DET1: variants seen among roughly 807,000 people sequenced by gnomAD.
DET1 encodes DET1 homolog.
Under a neutral mutation model 43.7 loss-of-function variants are expected in DET1, and 22 were observed. That is an observed-to-expected ratio of 0.50 (90% CI 0.36 to 0.72). DET1 has a LOEUF of 0.72. Ranked by LOEUF, DET1 falls within the 30% of genes least tolerant of loss-of-function variation. The pLI, the probability that DET1 is intolerant of heterozygous loss-of-function variation, is 0.00. For synonymous variants in DET1, 315 were observed against 266.2 expected, an observed-to-expected ratio of 1.18 and a Z score of -1.79; for missense variants, 713 against 713.3, an observed-to-expected ratio of 1.00 and a Z score of 0.00.
At chr15:88,507,105 C>G (rs2056149683) in intron 7 of DET1, among the ~76,000 whole-genome samples, 1 of 152,154 alleles carries the variant, frequency 6.6e-6, no homozygotes, top group African/African-American at 2.4e-5. Context: ...GAGTGCTTCC[C>G]CTCTGCTCTC....
chr15:88,545,261 G>C (rs1328678777), intron 1 of DET1, among the ~76,000 whole-genome samples: 1 of 152,026 alleles, frequency 6.6e-6, no homozygotes, highest in Non-Finnish European at 1.5e-5. Flanking sequence ...TTGGGACTAT[G>C]TTCACCATCC....
chr15:88,530,997 G>A lies in DET1; in HGVS notation c.709C>T (p.Gln237Ter). ...NILAILSVQQQTIHVFQVTPE... is the reference protein window; with the variant it reads ...NILAILSVQQ The stretch of plus-strand genomic sequence containing the variant: ...GTCACCTGGAAGACATGGATGGTCT[G>A]TTGTTGCACAGACAAGATGGCCAGG... The change falls in exon 2 of 5, where the codon CAG (glutamine) becomes TAG (stop). Residue 237 changes from glutamine to a stop codon, truncating the protein, a stop_gained. Transcript: ENST00000268148. LOFTEE classifies it high-confidence loss of function. The A allele has an allele frequency of 6.2e-7, 1 of 1,613,848 alleles. No homozygotes were observed. Among genetic ancestry groups the A allele is most frequent in the Non-Finnish European group, 8.5e-7 (1 of 1,179,806 alleles).
At chr15:88,519,526 T>C (rs1355518425) in intron 3 of DET1, among the ~76,000 whole-genome samples, 1 of 152,118 alleles carries the variant, frequency 6.6e-6, no homozygotes, top group African/African-American at 2.4e-5. Flanking sequence ...ACTCCCTCTA[T>C]TCATCCCAAC....
chr15:88,525,653 C>CTTT (rs1259328350), intron 3 of DET1, among the ~76,000 whole-genome samples: 1 of 151,708 alleles, frequency 6.6e-6, no homozygotes. Context: ...GTGTACCCAT[C>CTTT]TTTTGTTCTT....
At chr15:88,541,829 G>A (rs922307758) in intron 1 of DET1, among the ~76,000 whole-genome samples, 7 of 152,042 alleles carry the variant, frequency 4.6e-5, no homozygotes, top group East Asian at 3.9e-4. Flanking sequence ...CAGCCAGTTC[G>A]GCTCCCCCTG....
At chr15:88,538,570 G>A (rs1028990280) in intron 1 of DET1, among the ~76,000 whole-genome samples, 5 of 152,052 alleles carry the variant, frequency 3.3e-5, no homozygotes, top group Admixed American at 6.5e-5. Context: ...GCCGTCTCTC[G>A]GTCACCGGCT....
chr15:88,533,431 G>A (rs1016464891), intron 1 of DET1, among the ~76,000 whole-genome samples: 2 of 152,150 alleles, frequency 1.3e-5, no homozygotes, highest in Non-Finnish European at 2.9e-5. Flanking sequence ...CTACTTCTGG[G>A]TATAAATCCA....
intron 2 of DET1, among the ~76,000 whole-genome samples, chr15:88,529,413 A>G (rs1478881875): frequency 6.6e-6 from 1 of 152,230 alleles, no homozygotes; most frequent in Non-Finnish European, 1.5e-5. Context: ...CCCATGATGC[A>G]TAAGATGAAC....
In DET1 at chr15:88,516,477, C is replaced by T. The variant is rs533460854; in HGVS notation, c.1463+305G>A. 6.6e-6 allele frequency among the ~76,000 whole-genome samples: 1 copy of T among 152,288 alleles called. No individual in the cohort carries two copies. The highest frequency in any genetic ancestry group is 1.5e-5 in the Non-Finnish European group (1 of 68,022). On this transcript the variant is annotated intron_variant, in intron 4 of 4. Coordinates refer to ENST00000268148, the MANE Select transcript of DET1 (RefSeq NM_001144074.3). This position sits in a 1 kb window ranked among gnomAD's most constrained non-coding sequence, Gnocchi z 4.4. ...AATTATAAAGTCTCAATGTCAAAAA[C>T]TATTATGGAATGGTATTAGATTATT... is the stretch of plus-strand genomic sequence containing the variant.
At chr15:88,515,537 T>TC (rs2056319059) in intron 4 of DET1, among the ~76,000 whole-genome samples, 1 of 10,482 alleles carries the variant, frequency 9.5e-5, no homozygotes. Context: ...AGACTCCGTC[T>TC]TATAAAAAAA....
intron 3 of DET1, among the ~76,000 whole-genome samples, chr15:88,520,665 T>C (rs2056465581): frequency 6.6e-6 from 1 of 152,236 alleles, no homozygotes; most frequent in Admixed American, 6.5e-5. Context: ...CCATCCTCCA[T>C]TAATCAATTG....
chr15:88,513,860 C>T (rs1295774168), intron 4 of DET1, among the ~76,000 whole-genome samples: 13 of 128,828 alleles, frequency 1.0e-4, no homozygotes, highest in Admixed American at 7.2e-4. Context: ...AGTGCAGTGG[C>T]GCGATCTCGG....
downstream of DET1, chr15:88,511,717 T>C: frequency 4.0e-6 from 2 of 497,786 alleles, no homozygotes; most frequent in Non-Finnish European, 2.6e-6. Flanking sequence ...CACTGAATGC[T>C]GAAGGAGACT....
intron 1 of DET1, among the ~76,000 whole-genome samples, chr15:88,545,233 A>C (rs1453181947): frequency 6.6e-6 from 1 of 152,172 alleles, no homozygotes; most frequent in Non-Finnish European, 1.5e-5. Flanking sequence ...TTAACATTTT[A>C]TATTCCAGGA....
At chr15:88,519,746 T>C (rs1202353416) in intron 3 of DET1, among the ~76,000 whole-genome samples, 1 of 152,140 alleles carries the variant, frequency 6.6e-6, no homozygotes, top group Non-Finnish European at 1.5e-5. Context: ...GCTCAACTCT[T>C]CCTATTCCGT....
intron 7 of DET1, chr15:88,505,488 T>C (rs2056131190): frequency 1.3e-5 from 2 of 152,248 alleles, no homozygotes; most frequent in African/African-American, 4.8e-5. Context: ...AACCACCTTT[T>C]ATTATAATAC....
intron 1 of DET1, among the ~76,000 whole-genome samples, chr15:88,533,559 A>C (rs1567070150): frequency 6.6e-6 from 1 of 152,230 alleles, no homozygotes; most frequent in Non-Finnish European, 1.5e-5. Flanking sequence ...TGAGTGGATA[A>C]ACAAAATATG....
At chr15:88,524,939 G>A (rs995529735) in intron 3 of DET1, among the ~76,000 whole-genome samples, 1 of 151,794 alleles carries the variant, frequency 6.6e-6, no homozygotes, top group Non-Finnish European at 1.5e-5. Flanking sequence ...ACCCAAGAAT[G>A]ATCAATAAAT....
intron 1 of DET1, among the ~76,000 whole-genome samples, chr15:88,539,140 G>C (rs1263815239): frequency 6.6e-6 from 1 of 151,572 alleles, no homozygotes; most frequent in South Asian, 2.1e-4. Flanking sequence ...GTTTCTTGGA[G>C]AATCTCCAGG....
Sources: gnomAD v4.1 joint callset for allele counts (sites outside exome capture counted in the v4.1 genomes callset) on GRCh38, gnomAD v4.1.1 for gene constraint, Gnocchi (gnomAD v3.1) non-coding constraint, MANE v1.5 for transcripts, NCBI Gene and HGNC (gene_info 2026-07-23, HGNC 2026-07-21) for gene names.